Variants in PRKCA observed in about 807,000 individuals in gnomAD.
PRKCA encodes protein kinase C alpha type.
In PRKCA, 27 loss-of-function variants were observed where a neutral mutation model predicts 87.0. The observed-to-expected ratio is 0.31, with a 90% CI of 0.23 to 0.43. The LOEUF is 0.43. Among genes scored for constraint, PRKCA ranks in the 20% least tolerant of loss-of-function variants. The pLI, the probability that PRKCA is intolerant of heterozygous loss-of-function variation, is 1.00. For missense variants in PRKCA, 518 were observed against 852.3 expected (o/e 0.61, Z 4.88); for synonymous variants, 329 against 311.1 (o/e 1.06, Z -0.61).
At chr17:66,730,650 C>G (rs935931812) in intron 8 of PRKCA, among the ~76,000 whole-genome samples, 1 of 152,160 alleles carries the variant, frequency 6.6e-6, no homozygotes, top group African/African-American at 2.4e-5. Context: ...GATGAGCAGC[C>G]AGGAGACCTG....
intron 2 of PRKCA, among the ~76,000 whole-genome samples, chr17:66,463,193 G>A (rs1914933457): frequency 6.6e-6 from 1 of 152,104 alleles, no homozygotes; most frequent in Admixed American, 6.5e-5. Context: ...CTGCTGCCAT[G>A]CCTGTCGCCC....
At chr17:66,419,240 G>A (rs1031065130) in intron 2 of PRKCA, among the ~76,000 whole-genome samples, 1 of 152,146 alleles carries the variant, frequency 6.6e-6, no homozygotes, top group African/African-American at 2.4e-5. Context: ...CTTTCTGTAA[G>A]CATACTGAGT....
intron 16 of PRKCA, among the ~76,000 whole-genome samples, chr17:66,798,465 T>TGGTGGTGGTGGTGAC (rs1975742599): frequency 1.2e-5 from 1 of 85,260 alleles, no homozygotes; most frequent in Admixed American, 1.2e-4. Context: ...GTGGTGGTGG[T>TGGTGGTGGTGGTGAC]GGTGGTGGTG....
intron 2 of PRKCA, among the ~76,000 whole-genome samples, chr17:66,470,121 C>T (rs79585392): frequency 9.1e-4 from 137 of 151,086 alleles, no homozygotes; most frequent in Non-Finnish European, 1.7e-3. Flanking sequence ...AATGAAACCT[C>T]AGGGTCACAT....
chr17:66,429,937 T>C (rs1355774357), intron 2 of PRKCA, among the ~76,000 whole-genome samples: 6 of 152,134 alleles, frequency 3.9e-5, no homozygotes, highest in African/African-American at 1.2e-4. Flanking sequence ...AAGCATCTGC[T>C]TAGGCTTGTG....
At chr17:66,721,307 G>A (rs1033686382) in intron 8 of PRKCA, among the ~76,000 whole-genome samples, 1 of 151,038 alleles carries the variant, frequency 6.6e-6, no homozygotes, top group African/African-American at 2.4e-5. Flanking sequence ...TGAGGCAGGA[G>A]AATGGCGTGT....
At position 66,808,337 on chromosome 17, in the gene PRKCA, G is replaced by C. The variant is rs369139897; in HGVS notation, c.*4300G>C. ...TTTTGTTCCTGTTTTTTTTTTTTTT[G>C]CTGGAATTTGTTTTCTCAGTACTGA... On this transcript the variant is annotated 3_prime_UTR_variant, in exon 17 of 17. Transcript: ENST00000413366. The C allele has an allele frequency of 6.7e-5, 3 of 44,866 alleles. No homozygotes were observed. The highest frequency in any genetic ancestry group is 4.3e-4 in the African/African-American group (3 of 7,018). The allele number at this position is 44,866 out of a possible 1,614,324, so 2.8% of individuals were successfully genotyped here.
intron 2 of PRKCA, among the ~76,000 whole-genome samples, chr17:66,343,280 C>G (rs1011728010): frequency 6.6e-6 from 1 of 152,124 alleles, no homozygotes; most frequent in Non-Finnish European, 1.5e-5. Context: ...GTGGGCTGTT[C>G]ATAATTTTTG....
At chr17:66,397,277 T>TTTC (rs1555598090) in intron 2 of PRKCA, among the ~76,000 whole-genome samples, 2 of 146,932 alleles carry the variant, frequency 1.4e-5, no homozygotes, top group East Asian at 4.0e-4. Context: ...AGTGTAGACT[T>TTTC]TTTTTTTTTT....
At chr17:66,699,382 G>A (rs557812763) in intron 8 of PRKCA, among the ~76,000 whole-genome samples, 1 of 152,168 alleles carries the variant, frequency 6.6e-6, no homozygotes, top group East Asian at 1.9e-4. Context: ...TAAGATCATA[G>A]GAGACTACTC....
intron 3 of PRKCA, among the ~76,000 whole-genome samples, chr17:66,612,020 C>G (rs1355424597): frequency 1.3e-5 from 2 of 151,504 alleles, no homozygotes; most frequent in Admixed American, 1.3e-4. Context: ...ATTTATTTAT[C>G]TTACCATTGA....
At chr17:66,575,405 C>G (rs1039020213) in intron 3 of PRKCA, among the ~76,000 whole-genome samples, 1 of 152,122 alleles carries the variant, frequency 6.6e-6, no homozygotes, top group Non-Finnish European at 1.5e-5. Flanking sequence ...ATGGGTGAAA[C>G]CCCATCTCTA....
intron 4 of PRKCA, among the ~76,000 whole-genome samples, chr17:66,643,731 G>T (rs1220112923): frequency 2.0e-5 from 3 of 152,172 alleles, no homozygotes; most frequent in Admixed American, 2.0e-4. Flanking sequence ...TGAGCACCAG[G>T]ACTGCAACCC....
chr17:66,306,326 G>GC, intron 2 of PRKCA, 199 bp downstream of exon 2: 1 of 319,896 alleles, frequency 3.1e-6, no homozygotes, highest in Non-Finnish European at 5.5e-6. Context: ...TTTTCTCATT[G>GC]GAAAAAAAAA....
chr17:66,510,994 A>C (rs1193638320), intron 3 of PRKCA, among the ~76,000 whole-genome samples: 1 of 151,996 alleles, frequency 6.6e-6, no homozygotes, highest in East Asian at 1.9e-4. Flanking sequence ...TGATCTGCCC[A>C]CCCCTGCTCC....
At chr17:66,384,815 A>G (rs904631593) in intron 2 of PRKCA, among the ~76,000 whole-genome samples, 4 of 152,044 alleles carry the variant, frequency 2.6e-5, no homozygotes, top group Non-Finnish European at 4.4e-5. Context: ...TATTTTTAGT[A>G]GAGACGGGGT....
intron 2 of PRKCA, among the ~76,000 whole-genome samples, chr17:66,477,988 G>T (rs1473885545): frequency 6.6e-6 from 1 of 152,288 alleles, no homozygotes; most frequent in Middle Eastern, 3.4e-3. Flanking sequence ...TACCCGAAAC[G>T]TGTCTCAATC....
At chr17:66,332,046 A>T (rs1230008958) in intron 2 of PRKCA, among the ~76,000 whole-genome samples, 7 of 149,068 alleles carry the variant, frequency 4.7e-5, no homozygotes, top group African/African-American at 1.2e-4. Context: ...TAGCAAACCA[A>T]TTTTTTTTTT....
chr17:66,720,772 A>C (rs561324692), intron 8 of PRKCA, among the ~76,000 whole-genome samples: 11 of 152,344 alleles, frequency 7.2e-5, no homozygotes, highest in Middle Eastern at 3.4e-3. Context: ...ACAATTATTC[A>C]TTTGTTCCTA....
Sources: allele counts gnomAD v4.1 joint callset (sites outside exome capture counted in the v4.1 genomes callset), GRCh38; gene constraint gnomAD v4.1.1; transcripts MANE v1.5; gene names NCBI Gene and HGNC (gene_info 2026-07-23, HGNC 2026-07-21).